ARGFX: variants seen among roughly 807,000 people sequenced by gnomAD.
ARGFX encodes the protein arginine-fifty homeobox.
ARGFX carries 10 observed loss-of-function variants against 8.0 expected under a neutral mutation model. The observed-to-expected ratio is 1.25, with a 90% confidence interval of 0.77 to 2.12. ARGFX has a LOEUF of 2.12. Ranked by LOEUF, ARGFX falls within the 30% of genes most tolerant of loss-of-function variation. The pLI, the probability that ARGFX is intolerant of heterozygous loss-of-function variation, is 0.00. For missense variants in ARGFX, 282 were observed against 324.3 expected (o/e 0.87, Z 1.00); for synonymous variants, 116 against 117.8 (o/e 0.98, Z 0.10).
At chr3:121,570,156 G>A (rs1472030145) in intron 1 of ARGFX, among the ~76,000 whole-genome samples, 1 of 152,094 alleles carries the variant, frequency 6.6e-6, no homozygotes, top group East Asian at 1.9e-4. Context: ...TTCCCTCTTA[G>A]GAAGAATTTT....
chr3:121,582,731 G>T (rs1400210830), intron 3 of ARGFX, among the ~76,000 whole-genome samples: 1 of 151,912 alleles, frequency 6.6e-6, no homozygotes, highest in African/African-American at 2.4e-5. Flanking sequence ...CTAGAGCCAG[G>T]GTCTCTCTCT....
chr3:121,589,179 T>C lies in ARGFX; in HGVS notation c.*2579T>C, dbSNP rs2048831554. Among the ~76,000 whole-genome samples the C allele has an allele frequency of 6.6e-6, 1 of 151,826 alleles. No homozygotes were observed. Among genetic ancestry groups the C allele is most frequent in the Non-Finnish European group, 1.5e-5 (1 of 67,960 alleles). On this transcript the variant is annotated 3_prime_UTR_variant, in exon 5 of 5. Coordinates refer to ENST00000334384, the MANE Select transcript of ARGFX (RefSeq NM_001012659.2). ...AACACAGTGATACTGTCTCAATAAATAAATAAATAGAAGAAATCATGAGTA... is the reference window on the plus strand; with the variant it reads ...AACACAGTGATACTGTCTCAATAAACAAATAAATAGAAGAAATCATGAGTA...
intron 1 of ARGFX, among the ~76,000 whole-genome samples, chr3:121,570,501 A>G (rs1192341020): frequency 6.6e-6 from 1 of 152,238 alleles, no homozygotes; most frequent in East Asian, 1.9e-4. Context: ...TGTTATTTCT[A>G]AAGTTTCATT....
intron 3 of ARGFX, among the ~76,000 whole-genome samples, chr3:121,580,372 A>C (rs1438038457): frequency 3.3e-5 from 5 of 151,600 alleles, no homozygotes; most frequent in Admixed American, 3.3e-4. Flanking sequence ...CGAACACCTG[A>C]CCTCATCTCT....
intron 3 of ARGFX, among the ~76,000 whole-genome samples, chr3:121,581,576 T>C (rs1171384748): frequency 6.6e-6 from 1 of 152,202 alleles, no homozygotes; most frequent in African/African-American, 2.4e-5. Context: ...ATAATTGCAC[T>C]ATCAGTTTTT....
intron 2 of ARGFX, among the ~76,000 whole-genome samples, chr3:121,576,289 T>G (rs66926711): frequency 6.6e-6 from 1 of 151,922 alleles, no homozygotes; most frequent in Non-Finnish European, 1.5e-5. Context: ...GAGATTATGG[T>G]GGTTTGGATG....
chr3:121,578,647 C>T (rs915548148), intron 3 of ARGFX, among the ~76,000 whole-genome samples: 13 of 150,696 alleles, frequency 8.6e-5, no homozygotes, highest in Non-Finnish European at 1.3e-4. Context: ...TTCATAATCA[C>T]ATTCCTAGAA....
At chr3:121,582,348 T>C (rs1166658628) in intron 3 of ARGFX, among the ~76,000 whole-genome samples, 1 of 152,154 alleles carries the variant, frequency 6.6e-6, no homozygotes, top group African/African-American at 2.4e-5. Context: ...GGTAAAACGA[T>C]GTTATTTAAT....
chr3:121,586,739 G>T lies in ARGFX; in HGVS notation c.*139G>T. On this transcript the variant is annotated 3_prime_UTR_variant, in exon 5 of 5. Transcript: ENST00000334384. ...TTTCCATGTAAATGTTGCAAAAAGA[G>T]TTTTCCAAGTAGAGCTGGGCACTAC... is the stretch of plus-strand genomic sequence containing the variant. 1 of 782,036 alleles carries T rather than the reference G, an allele frequency of 1.3e-6. No homozygotes were observed. Among genetic ancestry groups the T allele is most frequent in the South Asian group, 1.9e-5 (1 of 51,768 alleles). The allele number at this position is 782,036 out of a possible 1,614,324, so 48.4% of individuals were successfully genotyped here.
intron 3 of ARGFX, among the ~76,000 whole-genome samples, chr3:121,580,274 C>T (rs2048770381): frequency 6.6e-6 from 1 of 151,852 alleles, no homozygotes; most frequent in East Asian, 1.9e-4. Flanking sequence ...TACCGAGTAG[C>T]TGGGATTACA....
At chr3:121,568,294 T>G (rs2048685519) in intron 1 of ARGFX, among the ~76,000 whole-genome samples, 1 of 152,198 alleles carries the variant, frequency 6.6e-6, no homozygotes, top group Non-Finnish European at 1.5e-5. Context: ...GCCAGGCCTT[T>G]GGAAATCCTT....
rs1576446747 is a variant in ARGFX, at chr3:121,589,202, G to A, written c.*2602G>A. 6.6e-6 allele frequency among the ~76,000 whole-genome samples: 1 copy of A among 151,968 alleles called. No individual in the cohort carries two copies. Among genetic ancestry groups the A allele is most frequent in the East Asian group, 1.9e-4 (1 of 5,186 alleles). ...AATAAATAAATAGAAGAAATCATGA[G>A]TAAAATTGGAAAACACTTTTAACTG... On this transcript the variant is annotated 3_prime_UTR_variant, in exon 5 of 5. Transcript: ENST00000334384.
At position 121,590,044 on chromosome 3, in the gene ARGFX, C is replaced by G. The variant is rs1464658803; in HGVS notation, c.*3444C>G. Among the ~76,000 whole-genome samples the G allele has an allele frequency of 6.6e-6, 1 of 152,082 alleles. No individual in the cohort carries two copies. The highest frequency in any genetic ancestry group is 2.4e-5 in the African/African-American group (1 of 41,416). On this transcript the variant is annotated 3_prime_UTR_variant, in exon 5 of 5. Transcript: ENST00000334384. Reference sequence around the variant, plus strand: ...AACATTTAGCTAGATTGACCACCCCCTCAAAAGACTCAAATTACTAGAATC... The same window carrying G: ...AACATTTAGCTAGATTGACCACCCCGTCAAAAGACTCAAATTACTAGAATC...
At chr3:121,572,834 C>A (rs535770253) in intron 2 of ARGFX, among the ~76,000 whole-genome samples, 1 of 152,050 alleles carries the variant, frequency 6.6e-6, no homozygotes, top group East Asian at 1.9e-4. Flanking sequence ...TAGAAGAGAG[C>A]AAAGTCCAGA....
In ARGFX at chr3:121,576,703, TTCTTTTTCTTTC is replaced by T. The variant is rs1436763483; in HGVS notation, c.104-79_104-68del. 2.7e-5 allele frequency: 7 copies of T among 257,572 alleles called. No homozygotes were observed. The Admixed American group carries it at 4.0e-4, about 15-fold the overall frequency. 16.0% of individuals were successfully genotyped at this position (257,572 alleles called of 1,614,324 possible). On this transcript the variant is annotated intron_variant, in intron 2 of 4. Coordinates refer to ENST00000334384, the MANE Select transcript of ARGFX (RefSeq NM_001012659.2). ...TTTCTTTTTCTTTCTTTCTCTTTCT[TTCTTTTTCTTTC>T]TTTCTTTCTTTCTTTCTTTCTTTCT...
rs1052131049 is a variant in ARGFX at position 121,587,888 on chromosome 3, TA to T, written c.*1292del. On this transcript the variant is annotated 3_prime_UTR_variant, in exon 5 of 5. Coordinates refer to ENST00000334384, the MANE Select transcript of ARGFX (RefSeq NM_001012659.2). The stretch of plus-strand genomic sequence containing the variant: ...TGCCCAGGCTGAATTTGGGTTTTTT[TA>T]AAATGAGACTTTCAGTCCTAATTTG... Among the ~76,000 whole-genome samples, 3 of 152,050 alleles carry T rather than the reference TA, an allele frequency of 2.0e-5. No homozygotes were observed. Among genetic ancestry groups the T allele is most frequent in the African/African-American group, 7.2e-5 (3 of 41,410 alleles).
At position 121,586,153 on chromosome 3, in the gene ARGFX, T is replaced by G. The variant is rs750440202; in HGVS notation, c.501T>G (p.Ala167=). The part of the protein sequence containing the change: ...TSPRTSPSPY[A]FSPVISDFYS... ...CCAGAACATCCCCCAGTCCTTATGC[T>G]TTTTCTCCTGTGATTTCAGATTTCT... The change falls in exon 5 of 5, where the codon GCT becomes GCG. Residue 167 remains alanine, a synonymous_variant. Coordinates refer to ENST00000334384, the MANE Select transcript of ARGFX (RefSeq NM_001012659.2). The G allele has an allele frequency of 6.2e-7, 1 of 1,613,980 alleles. No individual in the cohort carries two copies.
At position 121,586,004 on chromosome 3, in the gene ARGFX, C is replaced by A. The variant is rs1258329142; in HGVS notation, c.370-18C>A. On this transcript the variant is annotated intron_variant, in intron 4 of 4. Transcript: ENST00000334384. ...TCCAATAACAGACCACAATCTCCCC[C>A]TCTTCCCCTACTCCCAGGTTTGGTT... 1.3e-6 allele frequency: 2 copies of A among 1,552,442 alleles called. No individual in the cohort carries two copies. The highest frequency in any genetic ancestry group is 1.7e-6 in the Non-Finnish European group (2 of 1,153,094).
chr3:121,577,240 TATATATATATATATATATA>T (rs1340555430), intron 3 of ARGFX, among the ~76,000 whole-genome samples: 61 of 65,834 alleles, frequency 9.3e-4, no homozygotes, highest in Middle Eastern at 5.6e-3. Context: ...TATATATATA[TATATATATATATATATATA>T]TTTTTTTTTT....
Sources: gnomAD v4.1 joint callset for allele counts (sites outside exome capture counted in the v4.1 genomes callset) on GRCh38, gnomAD v4.1.1 for gene constraint, MANE v1.5 for transcripts, NCBI Gene and HGNC (gene_info 2026-07-23, HGNC 2026-07-21) for gene names.